Variants in ADAMTSL1 observed in about 807,000 individuals in gnomAD.
The protein encoded by ADAMTSL1 is ADAMTS-like protein 1.
In ADAMTSL1, 126 loss-of-function variants were observed where a neutral mutation model predicts 201.8. The observed-to-expected ratio is 0.62, with a 90% CI of 0.54 to 0.72. ADAMTSL1 has a LOEUF of 0.72. Among genes scored for constraint, ADAMTSL1 ranks in the 30% least tolerant of loss-of-function variants. The pLI, the probability that ADAMTSL1 is intolerant of heterozygous loss-of-function variation, is 0.00. For missense variants in ADAMTSL1, 2,679 were observed against 2,277.8 expected (o/e 1.18, Z -3.59); for synonymous variants, 1,121 against 903.4 (o/e 1.24, Z -4.32).
intron 2 of ADAMTSL1, among the ~76,000 whole-genome samples, chr9:18,285,757 C>T (rs1006358321): frequency 4.0e-5 from 6 of 151,774 alleles, no homozygotes; most frequent in Non-Finnish European, 4.4e-5. Context: ...TTATTTTTAC[C>T]TTTGATATTG....
At chr9:18,108,965 A>G (rs924856535) in intron 1 of ADAMTSL1, among the ~76,000 whole-genome samples, 28 of 152,288 alleles carry the variant, frequency 1.8e-4, no homozygotes, top group African/African-American at 6.3e-4. Context: ...GTATAAAATT[A>G]TTAAAAGTTT....
chr9:18,411,962 C>T (rs1436109542), intron 2 of ADAMTSL1, among the ~76,000 whole-genome samples: 2 of 152,152 alleles, frequency 1.3e-5, no homozygotes, highest in Non-Finnish European at 2.9e-5. Context: ...GAGATTGATA[C>T]ACTGGAAATT....
intron 3 of ADAMTSL1, among the ~76,000 whole-genome samples, chr9:18,555,066 T>G (rs1182357601): frequency 6.6e-6 from 1 of 151,942 alleles, no homozygotes; most frequent in Non-Finnish European, 1.5e-5. Context: ...ACCAGTCTTT[T>G]TATTGTCTCC....
intron 1 of ADAMTSL1, among the ~76,000 whole-genome samples, chr9:18,069,726 T>C (rs1822871330): frequency 6.6e-6 from 1 of 152,152 alleles, no homozygotes; most frequent in South Asian, 2.1e-4. Flanking sequence ...GGAGGGTGGA[T>C]TGAGTAGAAG....
At chr9:18,091,381 G>A (rs1184132309) in intron 1 of ADAMTSL1, among the ~76,000 whole-genome samples, 2 of 152,118 alleles carry the variant, frequency 1.3e-5, no homozygotes, top group East Asian at 1.9e-4. Context: ...CATCAAGGAG[G>A]CAAGTCTTTG....
intron 5 of ADAMTSL1, among the ~76,000 whole-genome samples, chr9:18,624,671 C>T (rs1444288322): frequency 6.6e-6 from 1 of 152,090 alleles, no homozygotes; most frequent in Non-Finnish European, 1.5e-5. Flanking sequence ...GATAGACATT[C>T]CTCTTACCCT....
At chr9:18,425,740 C>T (rs1465420197) in intron 2 of ADAMTSL1, among the ~76,000 whole-genome samples, 1 of 151,334 alleles carries the variant, frequency 6.6e-6, no homozygotes, top group Non-Finnish European at 1.5e-5. Context: ...CCTGTAGTCC[C>T]AGCTACTCTG....
intron 1 of ADAMTSL1, among the ~76,000 whole-genome samples, chr9:17,961,731 C>G (rs575460791): frequency 1.4e-4 from 22 of 152,252 alleles, no homozygotes; most frequent in Admixed American, 3.3e-4. Context: ...TGAAAATGAG[C>G]CCACTCTGGG....
chr9:18,728,497 T>G (rs987141796), intron 15 of ADAMTSL1, among the ~76,000 whole-genome samples: 9 of 152,146 alleles, frequency 5.9e-5, no homozygotes, highest in Non-Finnish European at 1.3e-4. Flanking sequence ...AACAAGCATC[T>G]TTGTGTCTGC....
At chr9:18,307,129 C>T (rs972335523) in intron 2 of ADAMTSL1, among the ~76,000 whole-genome samples, 1 of 152,096 alleles carries the variant, frequency 6.6e-6, no homozygotes, top group South Asian at 2.1e-4. Flanking sequence ...AAATCCTTTA[C>T]AGACAAGCAA....
chr9:17,939,593 G>A (rs1827152220), intron 1 of ADAMTSL1, among the ~76,000 whole-genome samples: 1 of 152,086 alleles, frequency 6.6e-6, no homozygotes, highest in African/African-American at 2.4e-5. Context: ...CTCCTTTAAT[G>A]AAAGGATGAT....
intron 19 of ADAMTSL1, among the ~76,000 whole-genome samples, chr9:18,785,483 A>G (rs757131378): frequency 3.3e-5 from 5 of 152,214 alleles, no homozygotes; most frequent in African/African-American, 7.2e-5. Context: ...AAACATTACA[A>G]TTGCTACATT....
chr9:18,102,355 T>A (rs1003987412), intron 1 of ADAMTSL1, among the ~76,000 whole-genome samples: 2 of 152,202 alleles, frequency 1.3e-5, no homozygotes, highest in African/African-American at 4.8e-5. Context: ...TTTCTGAAAA[T>A]ATTATTTATC....
chr9:18,720,427 C>A (rs1284502113), intron 14 of ADAMTSL1, among the ~76,000 whole-genome samples: 2 of 152,170 alleles, frequency 1.3e-5, no homozygotes, highest in Non-Finnish European at 2.9e-5. Flanking sequence ...TATATGTTAG[C>A]TACTGTTATT....
chr9:18,009,548 A>T (rs1819968169), intron 1 of ADAMTSL1, among the ~76,000 whole-genome samples: 1 of 152,050 alleles, frequency 6.6e-6, no homozygotes, highest in Non-Finnish European at 1.5e-5. Flanking sequence ...ATGGTGAAGA[A>T]CTTAGCATAA....
intron 1 of ADAMTSL1, among the ~76,000 whole-genome samples, chr9:17,988,366 C>G (rs1284118863): frequency 6.6e-6 from 1 of 152,004 alleles, no homozygotes; most frequent in Non-Finnish European, 1.5e-5. Flanking sequence ...ACCTCAATAA[C>G]AATTCTTTTC....
intron 1 of ADAMTSL1, among the ~76,000 whole-genome samples, chr9:17,930,870 G>A (rs1316302169): frequency 6.6e-6 from 1 of 152,138 alleles, no homozygotes; most frequent in Non-Finnish European, 1.5e-5. Flanking sequence ...TTGTGTAGCT[G>A]TATTCATAAT....
intron 2 of ADAMTSL1, among the ~76,000 whole-genome samples, chr9:18,205,023 A>G (rs1191260204): frequency 1.3e-5 from 2 of 152,178 alleles, no homozygotes; most frequent in African/African-American, 2.4e-5. Flanking sequence ...AGGTCTCACA[A>G]TCTGAGGAAG....
chr9:18,021,054 A>G (rs1820460903), intron 1 of ADAMTSL1, among the ~76,000 whole-genome samples: 1 of 152,100 alleles, frequency 6.6e-6, no homozygotes, highest in Non-Finnish European at 1.5e-5. Flanking sequence ...TAAAATGGAA[A>G]TACTTGGACC....
Sources: allele counts gnomAD v4.1 joint callset (sites outside exome capture counted in the v4.1 genomes callset), GRCh38; gene constraint gnomAD v4.1.1; transcripts MANE v1.5; gene names NCBI Gene and HGNC (gene_info 2026-07-23, HGNC 2026-07-21).